Variants in CACNA2D1 observed in about 807,000 individuals in gnomAD.
The protein encoded by CACNA2D1 is calcium voltage-gated channel auxiliary subunit alpha2delta 1, also known as voltage-dependent calcium channel subunit alpha-2/delta-1.
In CACNA2D1, 53 loss-of-function variants were observed where a neutral mutation model predicts 171.5. The ratio of observed to expected loss-of-function variants is 0.31; its 90% CI spans 0.25 to 0.39. The LOEUF (loss-of-function observed/expected upper bound fraction) is 0.39, where lower values mean the gene tolerates loss of function less well. Ranked by LOEUF, CACNA2D1 falls within the 10% of genes least tolerant of loss-of-function variation. CACNA2D1 has a pLI of 1.00. For synonymous variants in CACNA2D1, 442 were observed against 443.1 expected (o/e 1.00, Z 0.03); for missense variants, 903 against 1,299.8 (o/e 0.69, Z 4.69).
intron 12 of CACNA2D1, chr7:82,029,109 T>C (rs1242907718): frequency 2.6e-5 from 4 of 151,594 alleles, no homozygotes; most frequent in African/African-American, 4.8e-5. Flanking sequence ...TTTTAAGAAA[T>C]TGCCATAGCC....
At chr7:82,270,468 C>T (rs1423473399) in intron 3 of CACNA2D1, among the ~76,000 whole-genome samples, 3 of 152,022 alleles carry the variant, frequency 2.0e-5, no homozygotes, top group East Asian at 3.8e-4. Context: ...TATGTATACA[C>T]CTCGGTTTAT....
intron 1 of CACNA2D1, among the ~76,000 whole-genome samples, chr7:82,421,877 A>G (rs1013440271): frequency 5.3e-5 from 8 of 152,186 alleles, no homozygotes; most frequent in Admixed American, 2.0e-4. Flanking sequence ...TTTGGAATCA[A>G]CAATTCTGGT....
chr7:82,035,954 A>G (rs1299539027), intron 11 of CACNA2D1, among the ~76,000 whole-genome samples: 1 of 152,202 alleles, frequency 6.6e-6, no homozygotes, highest in East Asian at 1.9e-4. Flanking sequence ...CCTTGGAAAT[A>G]GCAGGGCTGC....
intron 6 of CACNA2D1, among the ~76,000 whole-genome samples, chr7:82,111,405 T>G (rs1394646737): frequency 1.1e-5 from 1 of 92,142 alleles, no homozygotes; most frequent in African/African-American, 3.8e-5. Context: ...TATATATATA[T>G]TCATATATGT....
chr7:82,364,784 C>T (rs927778301), intron 1 of CACNA2D1, among the ~76,000 whole-genome samples: 5 of 152,166 alleles, frequency 3.3e-5, no homozygotes, highest in Non-Finnish European at 7.4e-5. Context: ...ATTGCCATCC[C>T]AGCTGGTCTT....
At chr7:82,214,804 C>T (rs1394254383) in intron 3 of CACNA2D1, among the ~76,000 whole-genome samples, 2 of 152,012 alleles carry the variant, frequency 1.3e-5, no homozygotes, top group African/African-American at 4.8e-5. Flanking sequence ...AGTCTTGTGA[C>T]CAAAAATAAT....
chr7:82,170,135 A>G (rs1795863812), intron 4 of CACNA2D1, among the ~76,000 whole-genome samples: 1 of 151,916 alleles, frequency 6.6e-6, no homozygotes, highest in Admixed American at 6.6e-5. Context: ...GCCCACCATC[A>G]AGGTGATTAT....
At chr7:82,302,658 C>T (rs1340510007) in intron 3 of CACNA2D1, among the ~76,000 whole-genome samples, 2 of 152,108 alleles carry the variant, frequency 1.3e-5, no homozygotes, top group Non-Finnish European at 2.9e-5. Flanking sequence ...CTCATGTGAA[C>T]CACCTGCCTC....
chr7:82,231,579 TA>T (rs1037758166), intron 3 of CACNA2D1, among the ~76,000 whole-genome samples: 1 of 151,856 alleles, frequency 6.6e-6, no homozygotes, highest in African/African-American at 2.4e-5. Flanking sequence ...AAATTGCCAT[TA>T]AAAAAAATCA....
chr7:82,308,487 C>T (rs1007885507), intron 3 of CACNA2D1, among the ~76,000 whole-genome samples: 39 of 152,082 alleles, frequency 2.6e-4, no homozygotes, highest in African/African-American at 9.2e-4. Context: ...ACCCTGAATT[C>T]GGTAATCTAG....
chr7:82,300,696 A>G (rs1295954984), intron 3 of CACNA2D1, among the ~76,000 whole-genome samples: 1 of 152,146 alleles, frequency 6.6e-6, no homozygotes, highest in Non-Finnish European at 1.5e-5. Flanking sequence ...AATACTTAGA[A>G]TAGTGAGGTT....
intron 1 of CACNA2D1, among the ~76,000 whole-genome samples, chr7:82,401,609 T>G: frequency 6.7e-6 from 1 of 150,068 alleles, no homozygotes; most frequent in Non-Finnish European, 1.5e-5. Context: ...TAATGCTAGA[T>G]GACGAGTTAG....
At position 81,947,677 on chromosome 7, in the gene CACNA2D1, G is replaced by A. The variant is rs1406856782; in HGVS notation, c.*2715C>T. Reference sequence around the variant, plus strand: ...GTATAAACTTTTTTATTGATCTGTTGTACTGTTCAGTCGTTGGAAATCAAT... The same window carrying A: ...GTATAAACTTTTTTATTGATCTGTTATACTGTTCAGTCGTTGGAAATCAAT... On this transcript the variant is annotated 3_prime_UTR_variant, in exon 39 of 39. Coordinates refer to ENST00000356860, the MANE Select transcript of CACNA2D1 (RefSeq NM_000722.4). 1 of 151,778 alleles carries A rather than the reference G, an allele frequency of 6.6e-6. No homozygotes were observed. Among genetic ancestry groups the A allele is most frequent in the African/African-American group, 2.4e-5 (1 of 41,362 alleles). 9.4% of individuals were successfully genotyped at this position (151,778 alleles called of 1,614,324 possible).
rs150435186 is a variant in CACNA2D1, at chr7:82,097,603, A to G, written c.527-12703T>C. Among the ~76,000 whole-genome samples, 21 of 152,298 alleles carry G rather than the reference A, an allele frequency of 1.4e-4. No individual in the cohort carries two copies. In the East Asian group the frequency reaches 4.1e-3, roughly 29 times the overall value. Reference sequence around the variant, plus strand: ...AGGTACACTTGGGGACAACAGTGATACATTCAATTTTGAACATAACGTGAG... The same window carrying G: ...AGGTACACTTGGGGACAACAGTGATGCATTCAATTTTGAACATAACGTGAG... On this transcript the variant is annotated intron_variant, in intron 6 of 38. Transcript: ENST00000356860.
intron 10 of CACNA2D1, chr7:82,050,556 C>T: frequency 1.4e-6 from 1 of 702,564 alleles, no homozygotes; most frequent in African/African-American, 1.7e-5. Flanking sequence ...ATCCTCCCCT[C>T]CAGAGAGACA....
intron 4 of CACNA2D1, among the ~76,000 whole-genome samples, chr7:82,155,583 G>A (rs187142901): frequency 1.3e-5 from 2 of 152,154 alleles, no homozygotes; most frequent in Admixed American, 1.3e-4. Context: ...CTCAACTTCT[G>A]TATGAAAAGG....
At chr7:82,349,943 A>G (rs1408099794) in intron 1 of CACNA2D1, among the ~76,000 whole-genome samples, 1 of 152,226 alleles carries the variant, frequency 6.6e-6, no homozygotes, top group Admixed American at 6.5e-5. Context: ...TTAAAATTCC[A>G]TTAAATAGCT....
chr7:81,990,523 A>G (rs1797430945), intron 21 of CACNA2D1, among the ~76,000 whole-genome samples: 1 of 151,872 alleles, frequency 6.6e-6, no homozygotes, highest in South Asian at 2.1e-4. Context: ...GTGTCATGAG[A>G]TTAAAAGATG....
chr7:82,005,570 A>G (rs1281698551), intron 17 of CACNA2D1, 73 bp from the exon 18 acceptor site: 1 of 998,118 alleles, frequency 1.0e-6, no homozygotes, highest in South Asian at 1.4e-5. Context: ...TTTTAAATAC[A>G]TAATGTATTA....
Sources: gnomAD v4.1 joint callset for allele counts (sites outside exome capture counted in the v4.1 genomes callset) on GRCh38, gnomAD v4.1.1 for gene constraint, MANE v1.5 for transcripts, NCBI Gene and HGNC (gene_info 2026-07-23, HGNC 2026-07-21) for gene names.